Variants in FOXP2 observed in about 807,000 individuals in gnomAD.
The protein encoded by FOXP2 is forkhead box P2.
A neutral mutation model predicts 115.8 loss-of-function variants in FOXP2; 12 were observed. The ratio of observed to expected loss-of-function variants is 0.10; its 90% CI spans 0.07 to 0.17. The LOEUF (loss-of-function observed/expected upper bound fraction) is 0.17. Among genes scored for constraint, FOXP2 ranks in the 10% least tolerant of loss-of-function variants. FOXP2 has a pLI of 1.00. For missense variants in FOXP2, 629 were observed against 843.5 expected (o/e 0.75, Z 3.15); for synonymous variants, 328 against 297.7 (o/e 1.10, Z -1.05).
chr7:114,589,533 A>C (rs567032202), intron 3 of FOXP2, among the ~76,000 whole-genome samples: 2 of 152,190 alleles, frequency 1.3e-5, no homozygotes, highest in African/African-American at 4.8e-5. Flanking sequence ...TGCTCTGCTT[A>C]TCTTTCTCAT....
At chr7:114,172,395 A>G (rs919438345) in intron 1 of FOXP2, among the ~76,000 whole-genome samples, 2 of 152,204 alleles carry the variant, frequency 1.3e-5, no homozygotes, top group African/African-American at 4.8e-5. Flanking sequence ...TTTTTATGGT[A>G]GTGCAGCCAT....
At chr7:114,400,609 G>C (rs570042116) in intron 2 of FOXP2, among the ~76,000 whole-genome samples, 1 of 152,262 alleles carries the variant, frequency 6.6e-6, no homozygotes, top group African/African-American at 2.4e-5. Context: ...CAGGAGTCGG[G>C]TGGGGTCGGG....
At chr7:114,645,173 TATA>T (rs1805817211) in intron 8 of FOXP2, 1 of 127,614 alleles carries the variant, frequency 7.8e-6, no homozygotes, top group African/African-American at 3.0e-5. Flanking sequence ...TATATATATA[TATA>T]TATTTCAGTA....
intron 3 of FOXP2, among the ~76,000 whole-genome samples, chr7:114,565,257 C>T (rs1305897294): frequency 6.6e-6 from 1 of 151,838 alleles, no homozygotes; most frequent in East Asian, 1.9e-4. Flanking sequence ...TTTCCAATCT[C>T]CTTTGGATGG....
intron 1 of FOXP2, among the ~76,000 whole-genome samples, chr7:114,249,138 A>C (rs966144919): frequency 5.9e-5 from 9 of 152,198 alleles, no homozygotes; most frequent in Admixed American, 5.2e-4. Context: ...TAAGGGGGAA[A>C]AGTAATGCCT....
At chr7:114,328,033 AC>A (rs1444027861) in intron 2 of FOXP2, among the ~76,000 whole-genome samples, 2 of 149,446 alleles carry the variant, frequency 1.3e-5, no homozygotes, top group African/African-American at 4.9e-5. Flanking sequence ...CAATCCCCCC[AC>A]CTCAGCCTCC....
chr7:114,632,196 T>C (rs1194366047), intron 6 of FOXP2, among the ~76,000 whole-genome samples: 2 of 152,254 alleles, frequency 1.3e-5, no homozygotes, highest in Non-Finnish European at 2.9e-5. Flanking sequence ...TTAAGCTTTG[T>C]AGAACCCCAT....
chr7:114,201,111 G>A (rs1013432732), intron 1 of FOXP2, among the ~76,000 whole-genome samples: 8 of 152,058 alleles, frequency 5.3e-5, no homozygotes, highest in Middle Eastern at 3.4e-3. Flanking sequence ...AGCCAAGATC[G>A]TGCCATTGTA....
intron 1 of FOXP2, among the ~76,000 whole-genome samples, chr7:114,217,654 G>A (rs1035959931): frequency 6.6e-6 from 1 of 152,162 alleles, no homozygotes; most frequent in African/African-American, 2.4e-5. Flanking sequence ...CTGTACCATA[G>A]GTGTGGTCTT....
At chr7:114,409,063 C>T (rs1405673144) in intron 2 of FOXP2, among the ~76,000 whole-genome samples, 6 of 151,870 alleles carry the variant, frequency 4.0e-5, no homozygotes, top group Non-Finnish European at 7.4e-5. Flanking sequence ...GCTTATTTAC[C>T]ATCTATTTAG....
chr7:114,377,507 AC>A (rs1440833393), intron 2 of FOXP2, among the ~76,000 whole-genome samples: 1 of 152,214 alleles, frequency 6.6e-6, no homozygotes, highest in Admixed American at 6.5e-5. Flanking sequence ...CATGAGAAGA[AC>A]TATTTAGCAT....
chr7:114,405,732 A>G (rs182483242), intron 2 of FOXP2, among the ~76,000 whole-genome samples: 19 of 151,990 alleles, frequency 1.3e-4, no homozygotes, highest in Admixed American at 7.9e-4. Flanking sequence ...GTTATCTATG[A>G]TGCAAACTAT....
At chr7:114,144,916 G>A (rs141547049) in intron 1 of FOXP2, among the ~76,000 whole-genome samples, 13 of 152,236 alleles carry the variant, frequency 8.5e-5, no homozygotes, top group East Asian at 3.9e-4. Flanking sequence ...TCCACTGAAC[G>A]CTATTAATGT....
Position 114,690,409 on chromosome 7 carries a change from T to C in FOXP2, c.*483T>C. On this transcript the variant is annotated 3_prime_UTR_variant, in exon 17 of 17. Transcript: ENST00000350908. The stretch of plus-strand genomic sequence containing the variant: ...TTCAACTTGTTGCTATTGTTTTTAA[T>C]TTGCACAGGAGTAGTATCAGAAATT... 1 of 454,028 alleles carries C rather than the reference T, an allele frequency of 2.2e-6. No individual in the cohort carries two copies. Among genetic ancestry groups the C allele is most frequent in the Non-Finnish European group, 4.4e-6 (1 of 226,748 alleles). 28.1% of individuals were successfully genotyped at this position (454,028 alleles called of 1,614,324 possible). A position where few individuals can be genotyped will look rare whatever the true frequency, so the allele number is the denominator to read the frequency against.
intron 1 of FOXP2, among the ~76,000 whole-genome samples, chr7:114,280,961 A>G (rs1163031600): frequency 6.6e-6 from 1 of 152,160 alleles, no homozygotes; most frequent in Non-Finnish European, 1.5e-5. Context: ...TACATGCTTA[A>G]CCTGTCCTTA....
At chr7:114,509,453 G>T (rs1032830192) in intron 2 of FOXP2, among the ~76,000 whole-genome samples, 2 of 151,998 alleles carry the variant, frequency 1.3e-5, no homozygotes, top group Non-Finnish European at 2.9e-5. Flanking sequence ...GAGAAGAAAC[G>T]ATAGGAGCTT....
intron 1 of FOXP2, among the ~76,000 whole-genome samples, chr7:114,184,080 G>T (rs1584530331): frequency 6.6e-6 from 1 of 152,104 alleles, no homozygotes; most frequent in Admixed American, 6.6e-5. Context: ...AATGCAAAAA[G>T]GGGACAGAGG....
chr7:114,610,476 A>G (rs1028714981), intron 3 of FOXP2, among the ~76,000 whole-genome samples: 1 of 152,166 alleles, frequency 6.6e-6, no homozygotes, highest in Non-Finnish European at 1.5e-5. Context: ...ATTTTAAAAT[A>G]TATTTTAATA....
intron 9 of FOXP2, 121 bp downstream of exon 9, chr7:114,652,411 A>T: frequency 1.2e-6 from 1 of 802,298 alleles, no homozygotes; most frequent in Non-Finnish European, 2.1e-6. Flanking sequence ...ATACTAATGG[A>T]GATACATGAT....
Sources: allele counts gnomAD v4.1 joint callset (sites outside exome capture counted in the v4.1 genomes callset), GRCh38; gene constraint gnomAD v4.1.1; transcripts MANE v1.5; gene names NCBI Gene and HGNC (gene_info 2026-07-23, HGNC 2026-07-21).